The following MAML2 variants were observed in gnomAD, a reference collection of about 807,000 sequenced individuals.
The protein encoded by MAML2 is mastermind-like protein 2.
In MAML2, 22 loss-of-function variants were observed where a neutral mutation model predicts 96.1. The observed-to-expected ratio is 0.23, with a 90% CI of 0.16 to 0.33. The LOEUF is 0.33. Ranked by LOEUF, MAML2 falls within the 10% of genes least tolerant of loss-of-function variation. MAML2 has a pLI of 1.00. For synonymous variants in MAML2, 561 were observed against 521.3 expected, an observed-to-expected ratio of 1.08 and a Z score of -1.04; for missense variants, 1,367 against 1,392.4, an observed-to-expected ratio of 0.98 and a Z score of 0.29.
At chr11:96,093,812 A>G (rs1047426574) in intron 1 of MAML2, among the ~76,000 whole-genome samples, 1 of 152,354 alleles carries the variant, frequency 6.6e-6, no homozygotes, top group South Asian at 2.1e-4. Context: ...TTCAAATATC[A>G]TAAGAAGTTA....
chr11:96,281,248 T>A (rs112085572), intron 1 of MAML2, among the ~76,000 whole-genome samples: 1 of 152,176 alleles, frequency 6.6e-6, no homozygotes, highest in African/African-American at 2.4e-5. Context: ...TGAAGGTGAT[T>A]CCAGGGAAGA....
intron 1 of MAML2, among the ~76,000 whole-genome samples, chr11:96,139,893 G>A (rs1164224144): frequency 2.6e-5 from 4 of 152,158 alleles, no homozygotes; most frequent in African/African-American, 7.2e-5. Context: ...TACTCTCCGT[G>A]ATGCAATGAA....
At chr11:96,150,405 G>A (rs1466782234) in intron 1 of MAML2, among the ~76,000 whole-genome samples, 3 of 152,140 alleles carry the variant, frequency 2.0e-5, no homozygotes, top group Non-Finnish European at 2.9e-5. Context: ...TAGGGTGCCC[G>A]GGAAGACTTC....
chr11:96,301,109 A>C (rs1863380945), intron 1 of MAML2, among the ~76,000 whole-genome samples: 1 of 152,236 alleles, frequency 6.6e-6, no homozygotes, highest in South Asian at 2.1e-4. Flanking sequence ...GGATTTTAAC[A>C]ATCGCCCAAG....
At chr11:96,076,428 TCTCTCA>T (rs1463180867) in intron 2 of MAML2, among the ~76,000 whole-genome samples, 19 of 88,314 alleles carry the variant, frequency 2.2e-4, no homozygotes, top group African/African-American at 8.9e-4. Context: ...TCTCTCTCTC[TCTCTCA>T]CACACACACA....
chr11:96,257,513 C>G (rs1301372204), intron 1 of MAML2, among the ~76,000 whole-genome samples: 1 of 152,186 alleles, frequency 6.6e-6, no homozygotes, highest in African/African-American at 2.4e-5. Context: ...TGATACATGA[C>G]TTGGAATTAC....
At chr11:96,014,432 A>G (rs1281675727) in intron 2 of MAML2, among the ~76,000 whole-genome samples, 1 of 152,206 alleles carries the variant, frequency 6.6e-6, no homozygotes, top group African/African-American at 2.4e-5. Context: ...GAACTTAACC[A>G]CAGCCTCCTG....
chr11:96,042,122 G>A (rs903217167), intron 2 of MAML2, among the ~76,000 whole-genome samples: 13 of 152,088 alleles, frequency 8.5e-5, no homozygotes, highest in African/African-American at 2.9e-4. Context: ...GACTACAGGC[G>A]CCCGCCACCA....
intron 1 of MAML2, among the ~76,000 whole-genome samples, chr11:96,261,666 G>A (rs61901926): frequency 0.017 from 2,593 of 152,306 alleles, 28 homozygotes; most frequent in Middle Eastern, 0.051. Flanking sequence ...AATGGAAAGA[G>A]CAAATATCTT....
chr11:96,082,289 G>A (rs766640229), intron 2 of MAML2, among the ~76,000 whole-genome samples: 7 of 152,146 alleles, frequency 4.6e-5, no homozygotes, highest in Non-Finnish European at 8.8e-5. Flanking sequence ...TTCACAGTTC[G>A]GTGGACCAGA....
chr11:95,998,133 T>TGTCTGTCC (rs1858022815), intron 2 of MAML2, among the ~76,000 whole-genome samples: 2 of 137,540 alleles, frequency 1.5e-5, no homozygotes. Context: ...TCTGTCTGTC[T>TGTCTGTCC]GTCTGTCAGT....
chr11:96,053,009 A>T (rs538938000), intron 2 of MAML2, among the ~76,000 whole-genome samples: 1 of 152,330 alleles, frequency 6.6e-6, no homozygotes, highest in South Asian at 2.1e-4. Context: ...CACAGAACAA[A>T]CCAGAACTCC....
rs139405300 is a variant in MAML2 at position 96,156,728 on chromosome 11, A to T, written c.514-63211T>A. On this transcript the variant is annotated intron_variant, in intron 1 of 4. Transcript: ENST00000524717. ...AGGAAGTAAAGAATGGTCATGGTTC[A>T]TCCAGAAGTACTAAGATTAAATAAC... Among the ~76,000 whole-genome samples the T allele has an allele frequency of 6.0e-4, 91 of 152,342 alleles. 1 individual carries two copies. The highest frequency in any genetic ancestry group is 2.1e-3 in the African/African-American group (86 of 41,586).
chr11:96,076,864 G>A (rs1332464459), intron 2 of MAML2, among the ~76,000 whole-genome samples: 1 of 152,152 alleles, frequency 6.6e-6, no homozygotes, highest in East Asian at 1.9e-4. Context: ...TTGTCCAAGT[G>A]GGACCTGACC....
intron 1 of MAML2, among the ~76,000 whole-genome samples, chr11:96,280,772 C>A (rs1410775458): frequency 6.6e-6 from 1 of 152,204 alleles, no homozygotes; most frequent in Non-Finnish European, 1.5e-5. Flanking sequence ...GCTAAAAGTC[C>A]TTTCCCTCTG....
intron 1 of MAML2, among the ~76,000 whole-genome samples, chr11:96,312,605 T>C (rs1863558406): frequency 1.3e-5 from 2 of 152,222 alleles, no homozygotes; most frequent in African/African-American, 2.4e-5. Flanking sequence ...AATTTCCCTC[T>C]AGGAAGTATG....
chr11:96,097,800 T>C (rs1317981159), intron 1 of MAML2, among the ~76,000 whole-genome samples: 1 of 152,200 alleles, frequency 6.6e-6, no homozygotes, highest in Non-Finnish European at 1.5e-5. Flanking sequence ...AGGCTTATTC[T>C]AGGCAGGCAC....
intron 1 of MAML2, among the ~76,000 whole-genome samples, chr11:96,136,255 A>C (rs1860629672): frequency 1.3e-5 from 2 of 152,130 alleles, no homozygotes; most frequent in Non-Finnish European, 2.9e-5. Context: ...TTCTTTGCAG[A>C]ATGAGCCGCA....
chr11:96,265,276 A>G (rs1280953134), intron 1 of MAML2, among the ~76,000 whole-genome samples: 3 of 152,196 alleles, frequency 2.0e-5, no homozygotes, highest in Non-Finnish European at 2.9e-5. Flanking sequence ...AGAGGCAGAA[A>G]ATGTGATGGA....
Sources: gnomAD v4.1 joint callset for allele counts (sites outside exome capture counted in the v4.1 genomes callset) on GRCh38, gnomAD v4.1.1 for gene constraint, MANE v1.5 for transcripts, NCBI Gene and HGNC (gene_info 2026-07-23, HGNC 2026-07-21) for gene names.